Variants in C11orf65 observed in about 807,000 individuals in gnomAD.
C11orf65 encodes the protein chromosome 11 open reading frame 65.
A neutral mutation model predicts 35.3 loss-of-function variants in C11orf65; 38 were observed. That is an observed-to-expected ratio of 1.08 (90% confidence interval 0.83 to 1.41). C11orf65 has a LOEUF of 1.41. C11orf65 is among the 40% of genes most tolerant of loss of function. The pLI, the probability that C11orf65 is intolerant of heterozygous loss-of-function variation, is 0.00. For synonymous variants in C11orf65, 105 were observed against 114.4 expected, an observed-to-expected ratio of 0.92 and a Z score of 0.53; for missense variants, 370 against 367.1, an observed-to-expected ratio of 1.01 and a Z score of -0.06.
intron 6 of C11orf65, among the ~76,000 whole-genome samples, chr11:108,403,471 T>C (rs1285563977): frequency 6.7e-6 from 1 of 149,878 alleles, no homozygotes; most frequent in Non-Finnish European, 1.5e-5. Flanking sequence ...CAGATATATA[T>C]TTTGCAAATG....
At chr11:108,406,261 A>C (rs2092538109) in intron 5 of C11orf65, among the ~76,000 whole-genome samples, 1 of 152,206 alleles carries the variant, frequency 6.6e-6, no homozygotes, top group Non-Finnish European at 1.5e-5. Flanking sequence ...CAAATGAATG[A>C]ATTCATACCT....
Position 108,325,473 on chromosome 11 carries a change from T to G in C11orf65, c.641-16402A>C, listed in dbSNP as rs767070729. On this transcript the variant is annotated intron_variant, in intron 6 of 6. Transcript: ENST00000525729. Reference sequence around the variant, plus strand: ...GGAAATGGACAACTCACAAAGAGAATGTATTAAGGACATTCTCACCAAACA... The same window carrying G: ...GGAAATGGACAACTCACAAAGAGAAGGTATTAAGGACATTCTCACCAAACA... 5.0e-6 allele frequency: 8 copies of G among 1,613,740 alleles called. No individual in the cohort carries two copies. In the South Asian group the frequency reaches 8.8e-5, roughly 18 times the overall value.
chr11:108,451,313 A>C (rs1016910453), intron 2 of C11orf65, among the ~76,000 whole-genome samples: 8 of 152,024 alleles, frequency 5.3e-5, no homozygotes, highest in South Asian at 2.1e-4. Context: ...GCAAAGTCTC[A>C]AGATACAAAA....
downstream of C11orf65, chr11:108,331,165 C>T (rs1005094175): frequency 2.7e-6 from 3 of 1,123,478 alleles, no homozygotes; most frequent in Non-Finnish European, 2.2e-6. Flanking sequence ...ATTTGTCTTC[C>T]TTAGATTTTT....
chr11:108,449,404 A>T (rs991438262), intron 2 of C11orf65, among the ~76,000 whole-genome samples: 15 of 152,022 alleles, frequency 9.9e-5, no homozygotes, highest in Admixed American at 9.2e-4. Flanking sequence ...GGCTACAGTA[A>T]CCAAAACAGC....
At chr11:108,401,211 G>A (rs570664268) in intron 6 of C11orf65, among the ~76,000 whole-genome samples, 1 of 152,056 alleles carries the variant, frequency 6.6e-6, no homozygotes, top group South Asian at 2.1e-4. Flanking sequence ...GAACTTCCTG[G>A]GGTGATGGCT....
intron 2 of C11orf65, among the ~76,000 whole-genome samples, chr11:108,371,299 T>TA (rs2091568126): frequency 3.9e-5 from 6 of 152,164 alleles, no homozygotes; most frequent in Admixed American, 3.9e-4. Flanking sequence ...AGCGATAAAA[T>TA]ACATTTCCAG....
intron 3 of C11orf65, among the ~76,000 whole-genome samples, chr11:108,413,058 C>G (rs1173262154): frequency 6.6e-6 from 1 of 152,158 alleles, no homozygotes; most frequent in African/African-American, 2.4e-5. Context: ...TGAACAGCAG[C>G]ATAAATTAAC....
chr11:108,443,207 A>T (rs576491565), intron 2 of C11orf65, among the ~76,000 whole-genome samples: 1 of 152,314 alleles, frequency 6.6e-6, no homozygotes, highest in East Asian at 1.9e-4. Context: ...TTACACCAAC[A>T]AAGATCAAAA....
intron 1 of C11orf65, among the ~76,000 whole-genome samples, chr11:108,466,269 T>G (rs934347285): frequency 6.6e-6 from 1 of 152,016 alleles, no homozygotes; most frequent in Admixed American, 6.6e-5. Flanking sequence ...TCATAAGTTT[T>G]AAGATACTAA....
intron 3 of C11orf65, among the ~76,000 whole-genome samples, chr11:108,430,274 A>G (rs10789661): frequency 0.62 from 91,654 of 147,726 alleles, 28,725 homozygotes; most frequent in Middle Eastern, 0.76. Context: ...GACTACAGGC[A>G]CCTGCCACCA....
downstream of C11orf65, among the ~76,000 whole-genome samples, chr11:108,380,451 G>A (rs944778424): frequency 1.3e-5 from 2 of 152,178 alleles, no homozygotes; most frequent in Admixed American, 1.3e-4. Context: ...GACTTATAAG[G>A]TGTGGATCTT....
chr11:108,309,751 T>C (rs1038915689), intron 6 of C11orf65, among the ~76,000 whole-genome samples: 2 of 152,236 alleles, frequency 1.3e-5, no homozygotes, highest in Non-Finnish European at 2.9e-5. Context: ...GTGTCTTAGA[T>C]GAAACAATAT....
intron 1 of C11orf65, among the ~76,000 whole-genome samples, chr11:108,465,694 A>T (rs1031383353): frequency 4.3e-4 from 56 of 131,646 alleles, no homozygotes; most frequent in Non-Finnish European, 5.2e-4. Context: ...TTTTTTTTTA[A>T]AAAAAAAAGG....
chr11:108,374,600 G>A (rs1389283051), intron 2 of C11orf65, among the ~76,000 whole-genome samples: 14 of 152,234 alleles, frequency 9.2e-5, no homozygotes, highest in East Asian at 1.9e-4. Context: ...CCAAAGGAAC[G>A]CAGTTCCTTA....
At chr11:108,322,039 C>T (rs2085271645) in intron 6 of C11orf65, among the ~76,000 whole-genome samples, 1 of 152,178 alleles carries the variant, frequency 6.6e-6, no homozygotes, top group Non-Finnish European at 1.5e-5. Flanking sequence ...TTTAGCACTA[C>T]ATTGTATTAC....
intron 2 of C11orf65, among the ~76,000 whole-genome samples, chr11:108,459,676 C>T (rs868660533): frequency 1.3e-5 from 2 of 150,486 alleles, no homozygotes; most frequent in Admixed American, 1.3e-4. Flanking sequence ...TACACAGTGT[C>T]GTTTCAATGG....
intron 2 of C11orf65, among the ~76,000 whole-genome samples, chr11:108,364,520 A>G (rs1239967678): frequency 1.3e-5 from 2 of 152,194 alleles, no homozygotes; most frequent in African/African-American, 4.8e-5. Flanking sequence ...TTGGGTTTTG[A>G]GGAGGTTTCA....
chr11:108,328,404 AC>A (rs2085906981), downstream of C11orf65, among the ~76,000 whole-genome samples: 4 of 151,914 alleles, frequency 2.6e-5, no homozygotes, highest in Non-Finnish European at 5.9e-5. Context: ...GTGCCACCAC[AC>A]CCGGCTAATA....
Sources: allele counts gnomAD v4.1 joint callset (sites outside exome capture counted in the v4.1 genomes callset), GRCh38; gene constraint gnomAD v4.1.1; transcripts MANE v1.5; gene names NCBI Gene and HGNC (gene_info 2026-07-23, HGNC 2026-07-21).